ZYG11B: variants seen among roughly 807,000 people sequenced by gnomAD.
The protein encoded by ZYG11B is zyg-11 family member B, cell cycle regulator.
ZYG11B carries 36 observed loss-of-function variants against 82.4 expected under a neutral mutation model. The observed-to-expected ratio is 0.44, with a 90% CI of 0.33 to 0.58. ZYG11B has a LOEUF of 0.58. Among genes scored for constraint, ZYG11B ranks in the 20% least tolerant of loss-of-function variants. The pLI, the probability that ZYG11B is intolerant of heterozygous loss-of-function variation, is 0.02. For missense variants in ZYG11B, 552 were observed against 895.6 expected, an observed-to-expected ratio of 0.62 and a Z score of 4.90; for synonymous variants, 303 against 312.8, an observed-to-expected ratio of 0.97 and a Z score of 0.33.
At chr1:52,780,883 C>T (rs894434975) in intron 4 of ZYG11B, among the ~76,000 whole-genome samples, 2 of 152,202 alleles carry the variant, frequency 1.3e-5, no homozygotes, top group African/African-American at 4.8e-5. Context: ...CGCAGTGGCT[C>T]ACACCTGTAA....
intron 10 of ZYG11B, among the ~76,000 whole-genome samples, chr1:52,809,805 A>G (rs548952642): frequency 4.1e-4 from 63 of 152,124 alleles, no homozygotes; most frequent in African/African-American, 1.3e-3. Context: ...GGCCATTTGT[A>G]TGTCTTCTTC....
Position 52,816,564 on chromosome 1 carries a change from GT to G in ZYG11B, c.1982del (p.Phe661SerfsTer29). On this transcript the variant is annotated frameshift_variant, in exon 13 of 14. Transcript: ENST00000294353. LOFTEE classifies it high-confidence loss of function. The stretch of plus-strand genomic sequence containing the variant: ...AATCCATTTTTCCCATTACTTGGCT[GT>G]TTCACAACACCAGGAGTTCAGCTAT... ...SFNPFFPLLGCFTTPGVQLWA... is the reference protein window; with the variant it reads ...SFNPFFPLLGXFTTPGVQLWA... 1 of 1,612,496 alleles carries G rather than the reference GT, an allele frequency of 6.2e-7. No homozygotes were observed. Among genetic ancestry groups the G allele is most frequent in the Non-Finnish European group, 8.5e-7 (1 of 1,179,638 alleles).
chr1:52,766,119 A>ATT (rs1644681341), intron 2 of ZYG11B, among the ~76,000 whole-genome samples: 1 of 143,122 alleles, frequency 7.0e-6, no homozygotes, highest in African/African-American at 2.7e-5. Flanking sequence ...ATTTTTTTTA[A>ATT]ATTTTTTTTT....
intron 2 of ZYG11B, among the ~76,000 whole-genome samples, chr1:52,767,257 G>T (rs370131664): frequency 1.4e-5 from 2 of 147,988 alleles, no homozygotes; most frequent in Admixed American, 6.7e-5. Context: ...GTTATTTTAT[G>T]TTATTTTATT....
At chr1:52,765,528 C>T (rs1176393303) in intron 2 of ZYG11B, among the ~76,000 whole-genome samples, 2 of 152,000 alleles carry the variant, frequency 1.3e-5, no homozygotes, top group East Asian at 1.9e-4. Context: ...TTTTCCCAGT[C>T]AGGGTCTTAC....
rs1553260250 is a variant in ZYG11B, at chr1:52,776,229, A to ATATATATATAT, written c.952-3624_952-3623insTATATATATAT. On this transcript the variant is annotated intron_variant, in intron 3 of 13. Coordinates refer to ENST00000294353, the MANE Select transcript of ZYG11B (RefSeq NM_024646.3). ...AGCAAAACTCTGTCTTAAAAAAAAA[A>ATATATATATAT]ATATATATATATATATGCAATAAAG... is the stretch of plus-strand genomic sequence containing the variant. Among the ~76,000 whole-genome samples, 87 of 23,538 alleles carry ATATATATATAT rather than the reference A, an allele frequency of 3.7e-3. 14 individuals carry two copies. The highest frequency in any genetic ancestry group is 7.1e-3 in the South Asian group (3 of 422). 15.4% of individuals were successfully genotyped at this position (23,538 alleles called of 152,430 possible).
intron 6 of ZYG11B, among the ~76,000 whole-genome samples, chr1:52,794,346 T>C (rs1644989003): frequency 6.6e-6 from 1 of 152,128 alleles, no homozygotes; most frequent in African/African-American, 2.4e-5. Context: ...ATTAGGAATA[T>C]ATTGTAGAAG....
At chr1:52,745,031 A>G (rs1296992036) in intron 1 of ZYG11B, among the ~76,000 whole-genome samples, 4 of 152,170 alleles carry the variant, frequency 2.6e-5, no homozygotes, top group South Asian at 2.1e-4. Context: ...ATTTTTTCTT[A>G]TAATTAACCA....
intron 10 of ZYG11B, among the ~76,000 whole-genome samples, chr1:52,804,927 A>G (rs1220222088): frequency 6.6e-6 from 1 of 151,896 alleles, no homozygotes; most frequent in African/African-American, 2.4e-5. Flanking sequence ...TCTCGTTTCT[A>G]CTAAAAATAC....
chr1:52,757,934 G>A (rs150005396), intron 2 of ZYG11B, among the ~76,000 whole-genome samples: 2,119 of 151,948 alleles, frequency 0.014, 44 homozygotes, highest in African/African-American at 0.049. Flanking sequence ...GGGCGCAGTG[G>A]CTCACACCTG....
intron 1 of ZYG11B, among the ~76,000 whole-genome samples, chr1:52,738,588 A>G (rs1170823355): frequency 7.0e-6 from 1 of 142,582 alleles, no homozygotes; most frequent in Admixed American, 7.0e-5. Flanking sequence ...TCAATGTCAT[A>G]TTTTTCTTTT....
At chr1:52,796,953 T>C (rs1166058518) in intron 8 of ZYG11B, among the ~76,000 whole-genome samples, 169 bp downstream of exon 8, 1 of 95,486 alleles carries the variant, frequency 1.0e-5, no homozygotes, top group Admixed American at 1.8e-4. Flanking sequence ...AATGTATAAT[T>C]ATATATTATA....
intron 6 of ZYG11B, among the ~76,000 whole-genome samples, chr1:52,795,188 G>A (rs1426437677): frequency 6.6e-6 from 1 of 152,098 alleles, no homozygotes; most frequent in Non-Finnish European, 1.5e-5. Context: ...CATCCCCCGA[G>A]TGCTGTCTTG....
Position 52,822,958 on chromosome 1 carries a change from A to G in ZYG11B, c.*1329A>G, listed in dbSNP as rs546556525. The G allele has an allele frequency of 6.6e-6, 1 of 152,174 alleles. No homozygotes were observed. The highest frequency in any genetic ancestry group is 2.1e-4 in the South Asian group (1 of 4,816). The allele number at this position is 152,174 out of a possible 1,614,324, so 9.4% of individuals were successfully genotyped here. On this transcript the variant is annotated 3_prime_UTR_variant, in exon 14 of 14. Transcript: ENST00000294353. ...CAGATAACTACATTTTTTTTCATAG[A>G]TGGCCAGTGTTTTCAACAGAGATTT...
intron 13 of ZYG11B, among the ~76,000 whole-genome samples, chr1:52,818,877 T>A (rs1460231377): frequency 6.7e-6 from 1 of 149,186 alleles, no homozygotes; most frequent in African/African-American, 2.5e-5. Flanking sequence ...CACCACAACC[T>A]ACACCTCCCA....
At chr1:52,786,087 A>G (rs1045071793) in intron 5 of ZYG11B, among the ~76,000 whole-genome samples, 1 of 152,218 alleles carries the variant, frequency 6.6e-6, no homozygotes, top group Non-Finnish European at 1.5e-5. Flanking sequence ...AATAACAAAG[A>G]TGAAAGTAAA....
At chr1:52,740,573 T>G (rs1644415499) in intron 1 of ZYG11B, among the ~76,000 whole-genome samples, 1 of 150,394 alleles carries the variant, frequency 6.6e-6, no homozygotes. Flanking sequence ...TTCTTTTTTT[T>G]TTTTTTTTTT....
intron 1 of ZYG11B, among the ~76,000 whole-genome samples, chr1:52,739,012 C>T (rs1644401009): frequency 1.2e-5 from 1 of 85,784 alleles, no homozygotes; most frequent in Non-Finnish European, 2.1e-5. Flanking sequence ...GACAGAGTCT[C>T]ACTGTATCAC....
intron 1 of ZYG11B, among the ~76,000 whole-genome samples, chr1:52,744,696 G>A (rs1644462109): frequency 6.6e-6 from 1 of 152,166 alleles, no homozygotes; most frequent in South Asian, 2.1e-4. Flanking sequence ...CAAAAAGTTA[G>A]CCGGGCATGG....
Sources: allele counts gnomAD v4.1 joint callset (sites outside exome capture counted in the v4.1 genomes callset), GRCh38; gene constraint gnomAD v4.1.1; transcripts MANE v1.5; gene names NCBI Gene and HGNC (gene_info 2026-07-23, HGNC 2026-07-21).